Variants in PBX3 observed in about 807,000 individuals in gnomAD.
PBX3 encodes PBX homeobox 3.
A neutral mutation model predicts 48.5 loss-of-function variants in PBX3; 14 were observed. That is an observed-to-expected ratio of 0.29 (90% CI 0.19 to 0.45). The LOEUF is 0.45. Ranked by LOEUF, PBX3 falls within the 20% of genes least tolerant of loss-of-function variation. The pLI, the probability that PBX3 is intolerant of heterozygous loss-of-function variation, is 1.00. For synonymous variants in PBX3, 210 were observed against 200.3 expected, an observed-to-expected ratio of 1.05 and a Z score of -0.41; for missense variants, 386 against 546.7, an observed-to-expected ratio of 0.71 and a Z score of 2.93.
chr9:125,844,351 G>A (rs1331870482), intron 2 of PBX3, among the ~76,000 whole-genome samples: 1 of 148,130 alleles, frequency 6.8e-6, no homozygotes, highest in Non-Finnish European at 1.5e-5. Context: ...AAAAGTCCTA[G>A]GTATATATAT....
intron 5 of PBX3, among the ~76,000 whole-genome samples, chr9:125,955,771 G>A (rs1174664547): frequency 6.6e-6 from 1 of 152,134 alleles, no homozygotes; most frequent in Non-Finnish European, 1.5e-5. Context: ...TCCGCTCTAC[G>A]GTTCAGCATG....
chr9:125,815,571 T>C (rs1294608680), intron 2 of PBX3, among the ~76,000 whole-genome samples: 1 of 152,222 alleles, frequency 6.6e-6, no homozygotes, highest in African/African-American at 2.4e-5. Context: ...TACTTTTATA[T>C]GAAACAGGAG....
At chr9:125,827,491 C>T (rs917685667) in intron 2 of PBX3, among the ~76,000 whole-genome samples, 9 of 151,964 alleles carry the variant, frequency 5.9e-5, no homozygotes, top group South Asian at 2.1e-4. Context: ...ACTACACATA[C>T]GTGTATTTAC....
intron 2 of PBX3, among the ~76,000 whole-genome samples, chr9:125,876,778 A>G (rs1366377413): frequency 1.4e-5 from 2 of 144,008 alleles, no homozygotes; most frequent in East Asian, 4.0e-4. Flanking sequence ...CTTACTTTTT[A>G]TATGTGTATG....
chr9:125,955,705 G>A (rs750686025), intron 5 of PBX3, among the ~76,000 whole-genome samples: 2 of 152,188 alleles, frequency 1.3e-5, no homozygotes, highest in African/African-American at 2.4e-5. Context: ...AGCCTCCTCT[G>A]ATTTCTCAGA....
chr9:125,877,547 C>G (rs1324368603), intron 2 of PBX3, among the ~76,000 whole-genome samples: 1 of 152,162 alleles, frequency 6.6e-6, no homozygotes, highest in Non-Finnish European at 1.5e-5. Flanking sequence ...CTCCTTTTCT[C>G]AGTTTTCTCT....
At chr9:125,785,892 A>G (rs1837444609) in intron 2 of PBX3, among the ~76,000 whole-genome samples, 1 of 152,024 alleles carries the variant, frequency 6.6e-6, no homozygotes, top group African/African-American at 2.4e-5. Flanking sequence ...GATACAAGGG[A>G]AAGTAAAAAT....
chr9:125,812,128 A>G (rs570316492), intron 2 of PBX3, among the ~76,000 whole-genome samples: 9 of 152,286 alleles, frequency 5.9e-5, no homozygotes, highest in African/African-American at 1.9e-4. Flanking sequence ...TGGGCTTCCT[A>G]GCTTCCAGAA....
rs1388292408 is a variant in PBX3, at chr9:125,909,852, C to T, written c.275-5834C>T. 3.3e-5 allele frequency among the ~76,000 whole-genome samples: 5 copies of T among 152,252 alleles called. No individual in the cohort carries two copies. In the East Asian group the frequency reaches 7.7e-4, roughly 24 times the overall value. On this transcript the variant is annotated intron_variant, in intron 2 of 8. Coordinates refer to ENST00000373489, the MANE Select transcript of PBX3 (RefSeq NM_006195.6). The stretch of plus-strand genomic sequence containing the variant: ...CTAATAATGTCATTATAGCATCTAG[C>T]TGCTTTCCATCGAACCCCTAATAAA...
chr9:125,755,780 CT>C (rs1206190124), intron 2 of PBX3, among the ~76,000 whole-genome samples: 1 of 150,486 alleles, frequency 6.6e-6, no homozygotes, highest in Non-Finnish European at 1.5e-5. Flanking sequence ...TTTTTTCCCC[CT>C]CCTATGATTA....
intron 2 of PBX3, among the ~76,000 whole-genome samples, chr9:125,904,770 G>T (rs952545527): frequency 6.6e-6 from 1 of 151,906 alleles, no homozygotes; most frequent in Admixed American, 6.6e-5. Context: ...TAGCTGCCCA[G>T]AGAGTCAGTA....
chr9:125,767,987 G>T (rs1433965816), intron 2 of PBX3, among the ~76,000 whole-genome samples: 1 of 152,048 alleles, frequency 6.6e-6, no homozygotes, highest in African/African-American at 2.4e-5. Context: ...GGGGAGAGGG[G>T]AGTTTAGAAG....
intron 2 of PBX3, among the ~76,000 whole-genome samples, chr9:125,870,622 A>G (rs1840098966): frequency 6.6e-6 from 1 of 152,218 alleles, no homozygotes; most frequent in African/African-American, 2.4e-5. Flanking sequence ...CTACAATTCA[A>G]GATGAGGTTT....
At chr9:125,861,729 A>G (rs1344768109) in intron 2 of PBX3, among the ~76,000 whole-genome samples, 3 of 152,340 alleles carry the variant, frequency 2.0e-5, no homozygotes, top group Non-Finnish European at 4.4e-5. Flanking sequence ...AGGACCACAT[A>G]TTGTAAGATT....
chr9:125,876,962 C>T (rs571988149), intron 2 of PBX3, among the ~76,000 whole-genome samples: 158 of 152,032 alleles, frequency 1.0e-3, no homozygotes, highest in African/African-American at 3.7e-3. Context: ...TTAGTAGAGA[C>T]GGGGTTTCAC....
At chr9:125,870,483 C>T (rs1255906802) in intron 2 of PBX3, among the ~76,000 whole-genome samples, 1 of 152,054 alleles carries the variant, frequency 6.6e-6, no homozygotes, top group East Asian at 1.9e-4. Flanking sequence ...GTCAAACAAA[C>T]AAACAAACAA....
rs373114726 is a variant in PBX3 at position 125,809,913 on chromosome 9, C to G, written c.274+61290C>G. Among the ~76,000 whole-genome samples the G allele has an allele frequency of 9.9e-5, 15 of 152,188 alleles. No individual in the cohort carries two copies. The South Asian group carries it at 2.9e-3, about 29-fold the overall frequency. ...AAAAGAAAATTGAATGGTTATTTTA[C>G]CAAACATGAAGTCTAAATAATACAG... is the stretch of plus-strand genomic sequence containing the variant. On this transcript the variant is annotated intron_variant, in intron 2 of 8. Transcript: ENST00000373489.
intron 2 of PBX3, among the ~76,000 whole-genome samples, chr9:125,796,702 T>G (rs1278912509): frequency 6.6e-6 from 1 of 152,264 alleles, no homozygotes; most frequent in East Asian, 1.9e-4. Context: ...TAAACATCAC[T>G]GAAAAGCATT....
At chr9:125,748,034 C>G (rs1011771811) in intron 1 of PBX3, 1 of 160,690 alleles carries the variant, frequency 6.2e-6, no homozygotes, top group African/African-American at 2.4e-5. Context: ...CTCCCGCGGC[C>G]GCGGGACGAC....
Sources: gnomAD v4.1 joint callset for allele counts (sites outside exome capture counted in the v4.1 genomes callset) on GRCh38, gnomAD v4.1.1 for gene constraint, MANE v1.5 for transcripts, NCBI Gene and HGNC (gene_info 2026-07-23, HGNC 2026-07-21) for gene names.